Variants in GATA6 observed in about 807,000 individuals in gnomAD.
GATA6 encodes transcription factor GATA-6.
A neutral mutation model predicts 48.1 loss-of-function variants in GATA6; 11 were observed. The observed-to-expected ratio is 0.23, with a 90% CI of 0.14 to 0.38. The LOEUF (loss-of-function observed/expected upper bound fraction) is 0.38. GATA6 is among the 10% of genes least tolerant of loss of function. The pLI is 1.00. For synonymous variants in GATA6, 419 were observed against 396.1 expected (o/e 1.06, Z -0.69); for missense variants, 795 against 850.3 (o/e 0.93, Z 0.81).
intron 2 of GATA6, chr18:22,176,638 A>C: frequency 3.5e-6 from 1 of 285,210 alleles, no homozygotes; most frequent in Non-Finnish European, 6.6e-6. Context: ...GCCTGAGAGT[A>C]GGGGTCAGGG....
Position 22,185,073 on chromosome 18 carries a change from C to G in GATA6, c.1620+2030C>G, listed in dbSNP as rs373008446. ...TGGGTGGAGTCTTGTGATTTTGTGACGTAAAATTTCAAAATTTGCTATTAG... is the reference window on the plus strand; with the variant it reads ...TGGGTGGAGTCTTGTGATTTTGTGAGGTAAAATTTCAAAATTTGCTATTAG... On this transcript the variant is annotated intron_variant, in intron 6 of 6. Transcript: ENST00000269216. The surrounding 1 kb of genome is among the most constrained non-coding windows in gnomAD (Gnocchi z 4.3). Among the ~76,000 whole-genome samples, 9 of 152,234 alleles carry G rather than the reference C, an allele frequency of 5.9e-5. No individual in the cohort carries two copies. Among genetic ancestry groups the G allele is most frequent in the African/African-American group, 2.2e-4 (9 of 41,528 alleles).
Position 22,172,322 on chromosome 18 carries a change from T to C in GATA6, c.1135+43T>C, listed in dbSNP as rs759434132. 48 of 1,517,248 alleles carry C rather than the reference T, an allele frequency of 3.2e-5. No individual in the cohort carries two copies. Among genetic ancestry groups the C allele is most frequent in the Admixed American group, 2.0e-5 (1 of 50,042 alleles). The allele number at this position is 1,517,248 out of a possible 1,614,324, so 94.0% of individuals were successfully genotyped here. On this transcript the variant is annotated intron_variant, in intron 2 of 6. Coordinates refer to ENST00000269216, the MANE Select transcript of GATA6 (RefSeq NM_005257.6). This position sits in a 1 kb window ranked among gnomAD's most constrained non-coding sequence, Gnocchi z 5.2. ...GGTTCGGGGTGCGGGTCCAAAGCGC[T>C]GGGGCGCACGGGGGACGTGGAGCAG...
rs747397185 is a variant in GATA6 at position 22,200,769 on chromosome 18, C to T, written c.1734C>T (p.Ala578=). 9.9e-6 allele frequency: 16 copies of T among 1,613,856 alleles called. No homozygotes were observed. The African/African-American group carries it at 1.5e-4, about 15-fold the overall frequency. ...TAGGCGTCAGTCTCGCCTCGCCGGC[C>T]GAAGTCACGTCCTCCGTGCGACCGG... The part of the protein sequence containing the change: ...LYIGVSLASP[A]EVTSSVRPDS... Residue 578 remains alanine (A), a synonymous_variant, in exon 7 of 7, where the codon GCC becomes GCT. Transcript: ENST00000269216.
At chr18:22,191,070 TGTGA>T (rs1221934043) in intron 6 of GATA6, among the ~76,000 whole-genome samples, 2 of 139,928 alleles carry the variant, frequency 1.4e-5, no homozygotes, top group African/African-American at 6.0e-5. Context: ...TGTGTGTGTG[TGTGA>T]CAGGGAGGAT....
intron 6 of GATA6, among the ~76,000 whole-genome samples, chr18:22,196,311 T>C (rs928554250): frequency 2.6e-5 from 4 of 152,228 alleles, no homozygotes; most frequent in Non-Finnish European, 4.4e-5. Flanking sequence ...AGCAGGACTC[T>C]TGGCCTGCCA....
chr18:22,169,953 A>C (rs1034963460), intron 1 of GATA6, among the ~76,000 whole-genome samples: 1 of 152,174 alleles, frequency 6.6e-6, no homozygotes, highest in Non-Finnish European at 1.5e-5. Context: ...GGGAGCCGGT[A>C]GTTAGGCAGG....
intron 3 of GATA6, 91 bp downstream of exon 3, chr18:22,177,212 G>T (rs1323695473): frequency 4.7e-6 from 6 of 1,265,494 alleles, no homozygotes; most frequent in Non-Finnish European, 6.3e-6. Context: ...TGCCTTGGGC[G>T]TCCCCCTCCC....
At position 22,171,056 on chromosome 18, in the gene GATA6, C is replaced by T; in HGVS notation, c.-37-52C>T. 8.7e-7 allele frequency: 1 copy of T among 1,147,054 alleles called. No individual in the cohort carries two copies. Among genetic ancestry groups the T allele is most frequent in the South Asian group, 1.3e-5 (1 of 77,842 alleles). The allele number at this position is 1,147,054 out of a possible 1,614,324, so 71.1% of individuals were successfully genotyped here. ...GGCGAGGTAGCGTGCAGCCTACGCTCTTGTTAACCCGTCGATCTCCTACCA... is the reference window on the plus strand; with the variant it reads ...GGCGAGGTAGCGTGCAGCCTACGCTTTTGTTAACCCGTCGATCTCCTACCA... On this transcript the variant is annotated intron_variant, in intron 1 of 6. Transcript: ENST00000269216. This position sits in a 1 kb window ranked among gnomAD's most constrained non-coding sequence, Gnocchi z 7.1.
chr18:22,179,997 G>A (rs534998056), intron 3 of GATA6: 10 of 152,184 alleles, frequency 6.6e-5, no homozygotes, highest in African/African-American at 1.9e-4. Context: ...GTGAATATTC[G>A]ATACATACTC....
Position 22,171,329 on chromosome 18 carries a change from C to T in GATA6, c.185C>T (p.Thr62Met), listed in dbSNP as rs1433219170. Residue 62 changes from threonine to methionine, a missense_variant, in exon 2 of 7, where the codon ACG becomes ATG. Transcript: ENST00000269216. This position sits in a 1 kb window ranked among gnomAD's most constrained non-coding sequence, Gnocchi z 7.1. ...RGPGGASNCG[T>M]PQLDTEAAAG... ...CCCGGCGGCGCCAGCAACTGCGGGA[C>T]GCCTCAGCTCGACACGGAGGCGGCG... 6.3e-7 allele frequency: 1 copy of T among 1,586,584 alleles called. No homozygotes were observed. The highest frequency in any genetic ancestry group is 8.5e-7 in the Non-Finnish European group (1 of 1,173,412).
chr18:22,188,578 T>G (rs1288270480), intron 6 of GATA6, among the ~76,000 whole-genome samples: 1 of 152,158 alleles, frequency 6.6e-6, no homozygotes, highest in Non-Finnish European at 1.5e-5. Flanking sequence ...AGTAGATACT[T>G]GAAAATATTT....
intron 3 of GATA6, 134 bp downstream of exon 3, chr18:22,177,255 T>G: frequency 5.2e-6 from 4 of 769,028 alleles, no homozygotes; most frequent in Non-Finnish European, 5.8e-6. Context: ...GGTCCCACCC[T>G]AGCGGGGACC....
intron 6 of GATA6, among the ~76,000 whole-genome samples, chr18:22,189,313 A>C (rs979854354): frequency 2.0e-5 from 3 of 152,160 alleles, no homozygotes; most frequent in Non-Finnish European, 2.9e-5. Context: ...TAGGCAGGTA[A>C]ATATTTTAAA....
chr18:22,171,091 CCCCCA>C lies in GATA6; in HGVS notation c.-37-9_-37-5del, dbSNP rs2033031207. On this transcript the variant is annotated splice_polypyrimidine_tract_variant and intron_variant, in intron 1 of 6. Transcript: ENST00000269216. This position sits in a 1 kb window ranked among gnomAD's most constrained non-coding sequence, Gnocchi z 7.1. ...CGTCGATCTCCTACCATACCCGTCT[CCCCCA>C]CCCCACCTCAGGAGCTAGACGTCAG... The C allele has an allele frequency of 2.0e-6, 3 of 1,520,232 alleles. No individual in the cohort carries two copies. The South Asian group carries it at 3.4e-5, about 17-fold the overall frequency. 94.2% of individuals were successfully genotyped at this position (1,520,232 alleles called of 1,614,324 possible).
intron 6 of GATA6, among the ~76,000 whole-genome samples, chr18:22,200,227 C>T (rs2033442957): frequency 6.6e-6 from 1 of 152,024 alleles, no homozygotes; most frequent in Non-Finnish European, 1.5e-5. Flanking sequence ...GTGCGCTCTG[C>T]ATTTTCTCTT....
chr18:22,181,616 G>A (rs1345275763), intron 4 of GATA6, 38 bp downstream of exon 4: 8 of 1,612,170 alleles, frequency 5.0e-6, no homozygotes, highest in South Asian at 2.2e-5. Context: ...TATACATTTA[G>A]TATCTGGTTT....
chr18:22,175,806 G>A (rs774032773), intron 2 of GATA6, among the ~76,000 whole-genome samples: 2 of 152,176 alleles, frequency 1.3e-5, no homozygotes, highest in African/African-American at 2.4e-5. Context: ...ATAATCTTAA[G>A]CTAAAACTCT....
At chr18:22,175,191 G>A (rs995222145) in intron 2 of GATA6, among the ~76,000 whole-genome samples, 11 of 152,152 alleles carry the variant, frequency 7.2e-5, no homozygotes, top group Non-Finnish European at 1.5e-5. Context: ...TGCCTGGTGG[G>A]TTTGGGAAAG....
In GATA6 at chr18:22,171,478, T is replaced by C. The variant is rs1338313363; in HGVS notation, c.334T>C (p.Leu112=). 5 of 1,601,038 alleles carry C rather than the reference T, an allele frequency of 3.1e-6. No individual in the cohort carries two copies. The highest frequency in any genetic ancestry group is 3.4e-6 in the Non-Finnish European group (4 of 1,179,504). ...GGGCAACCTGTCGAGCTGGGAGGAC[T>C]TGCTGCTGTTCACTGACCTCGACCA... ...PGGNLSSWED[L]LLFTDLDQAA... is the part of the protein sequence containing the mutation. The change falls in exon 2 of 7, where the codon TTG becomes CTG. Residue 112 remains leucine, a synonymous_variant. Transcript: ENST00000269216. This position sits in a 1 kb window ranked among gnomAD's most constrained non-coding sequence, Gnocchi z 7.1.
Sources: allele counts gnomAD v4.1 joint callset (sites outside exome capture counted in the v4.1 genomes callset), GRCh38; gene constraint gnomAD v4.1.1; non-coding constraint Gnocchi (gnomAD v3.1); transcripts MANE v1.5; gene names NCBI Gene and HGNC (gene_info 2026-07-23, HGNC 2026-07-21).